SPIDR: variants seen among roughly 807,000 people sequenced by gnomAD.
SPIDR encodes the protein DNA repair-scaffolding protein.
Under a neutral mutation model 104.6 loss-of-function variants are expected in SPIDR, and 93 were observed. The ratio of observed to expected loss-of-function variants is 0.89; its 90% CI spans 0.75 to 1.06. The LOEUF is 1.06. SPIDR is among the 50% of genes least tolerant of loss of function. SPIDR has a pLI of 0.00. For missense variants in SPIDR, 1,154 were observed against 1,111.2 expected, an observed-to-expected ratio of 1.04 and a Z score of -0.55; for synonymous variants, 431 against 416.9, an observed-to-expected ratio of 1.03 and a Z score of -0.41.
At chr8:47,663,703 A>C (rs1191066599) in intron 10 of SPIDR, among the ~76,000 whole-genome samples, 1 of 152,264 alleles carries the variant, frequency 6.6e-6, no homozygotes, top group East Asian at 1.9e-4. Flanking sequence ...TTGTGTACAA[A>C]TTCAGAATGG....
At chr8:47,562,200 C>T (rs924650995) in intron 8 of SPIDR, among the ~76,000 whole-genome samples, 1 of 152,118 alleles carries the variant, frequency 6.6e-6, no homozygotes, top group African/African-American at 2.4e-5. Context: ...TGTAGATTTC[C>T]CCATTCCTTG....
At chr8:47,310,798 A>G (rs1218024542) in intron 5 of SPIDR, among the ~76,000 whole-genome samples, 1 of 152,218 alleles carries the variant, frequency 6.6e-6, no homozygotes, top group Non-Finnish European at 1.5e-5. Flanking sequence ...TTTGCACAAG[A>G]AAGAGTTCAG....
At chr8:47,443,761 A>G (rs1554699153) in intron 8 of SPIDR, among the ~76,000 whole-genome samples, 3 of 148,432 alleles carry the variant, frequency 2.0e-5, no homozygotes, top group East Asian at 2.0e-4. Context: ...TTTTTTTAAC[A>G]TGGGCACAGT....
Position 47,596,007 on chromosome 8 carries a change from G to A in SPIDR, c.1293+1G>A, listed in dbSNP as rs758101961. On this transcript the variant is annotated splice_donor_variant, in intron 9 of 19. Coordinates refer to ENST00000297423, the MANE Select transcript of SPIDR (RefSeq NM_001080394.4). LOFTEE classifies it high-confidence loss of function. ...AACAAATAATTCACCTGAAATCCAG[G>A]TAAACTCCTATTGGCCTAAAGGTTT... 2 of 1,609,124 alleles carry A rather than the reference G, an allele frequency of 1.2e-6. No homozygotes were observed. Among genetic ancestry groups the A allele is most frequent in the South Asian group, 1.1e-5 (1 of 90,148 alleles).
intron 7 of SPIDR, among the ~76,000 whole-genome samples, chr8:47,424,876 G>A (rs562684782): frequency 1.3e-5 from 2 of 152,040 alleles, no homozygotes; most frequent in African/African-American, 4.8e-5. Context: ...GATTACAGGC[G>A]CCTGCCACCA....
intron 14 of SPIDR, among the ~76,000 whole-genome samples, chr8:47,710,759 C>T (rs892555163): frequency 6.6e-6 from 1 of 151,914 alleles, no homozygotes; most frequent in South Asian, 2.1e-4. Context: ...TGAGCCACCA[C>T]GACTGGCCCA....
intron 5 of SPIDR, among the ~76,000 whole-genome samples, chr8:47,334,196 A>G (rs2049280010): frequency 6.6e-6 from 1 of 152,254 alleles, no homozygotes; most frequent in South Asian, 2.1e-4. Flanking sequence ...CTAGAATGTT[A>G]TCTGTTTTGA....
chr8:47,356,558 GA>G (rs1238173744), intron 5 of SPIDR, among the ~76,000 whole-genome samples: 1 of 152,196 alleles, frequency 6.6e-6, no homozygotes, highest in African/African-American at 2.4e-5. Context: ...TTGGTCATTT[GA>G]AAACCTATTA....
chr8:47,578,591 A>G (rs1261536763), intron 8 of SPIDR, among the ~76,000 whole-genome samples: 1 of 152,356 alleles, frequency 6.6e-6, no homozygotes, highest in East Asian at 1.9e-4. Flanking sequence ...AGGTGCTTCA[A>G]TGAAGCCAAA....
intron 10 of SPIDR, among the ~76,000 whole-genome samples, chr8:47,630,805 C>G (rs2066945299): frequency 6.6e-6 from 1 of 152,160 alleles, no homozygotes; most frequent in Non-Finnish European, 1.5e-5. Context: ...TTCCCATGCA[C>G]CTGTATGGCT....
chr8:47,608,415 A>G (rs775790996), intron 10 of SPIDR, among the ~76,000 whole-genome samples: 6 of 152,176 alleles, frequency 3.9e-5, no homozygotes, highest in Non-Finnish European at 8.8e-5. Flanking sequence ...TCTGCATACA[A>G]GTTTTTTGTG....
At chr8:47,429,246 G>C (rs2066930377) in intron 7 of SPIDR, among the ~76,000 whole-genome samples, 1 of 152,188 alleles carries the variant, frequency 6.6e-6, no homozygotes, top group South Asian at 2.1e-4. Context: ...CCTAGAAATA[G>C]AGGAAGGGGT....
chr8:47,428,326 A>C (rs142846424), intron 7 of SPIDR, among the ~76,000 whole-genome samples: 141 of 152,346 alleles, frequency 9.3e-4, no homozygotes, highest in African/African-American at 3.3e-3. Flanking sequence ...AATTTCTTTG[A>C]TGCGGTATTT....
intron 11 of SPIDR, among the ~76,000 whole-genome samples, chr8:47,689,759 C>G (rs2078359293): frequency 6.6e-6 from 1 of 152,154 alleles, no homozygotes; most frequent in Non-Finnish European, 1.5e-5. Context: ...CATGGGAGCT[C>G]TGATGAGGCA....
At chr8:47,632,926 C>T (rs1426936163) in intron 10 of SPIDR, among the ~76,000 whole-genome samples, 1 of 152,190 alleles carries the variant, frequency 6.6e-6, no homozygotes, top group Non-Finnish European at 1.5e-5. Flanking sequence ...CCAGGCTGAG[C>T]TGGAACTTGA....
At chr8:47,598,852 G>T in intron 9 of SPIDR, 94 bp from the exon 10 acceptor site, 1 of 1,505,160 alleles carries the variant, frequency 6.6e-7, no homozygotes, top group East Asian at 2.3e-5. Flanking sequence ...GCTGCTTAAG[G>T]ATGTCATTAT....
intron 5 of SPIDR, among the ~76,000 whole-genome samples, chr8:47,320,726 T>G (rs1288813953): frequency 2.6e-5 from 4 of 152,100 alleles, no homozygotes; most frequent in African/African-American, 7.2e-5. Flanking sequence ...AAATCCAGCA[T>G]CACATGGAAA....
intron 8 of SPIDR, among the ~76,000 whole-genome samples, chr8:47,493,016 GGAGA>G (rs35531714): frequency 1.3e-4 from 18 of 140,310 alleles, no homozygotes; most frequent in East Asian, 2.1e-4. Context: ...TTGAGCCATT[GGAGA>G]GAGAGAGAGA....
chr8:47,607,481 C>A (rs1455203336), intron 10 of SPIDR, among the ~76,000 whole-genome samples: 1 of 152,024 alleles, frequency 6.6e-6, no homozygotes, highest in Non-Finnish European at 1.5e-5. Context: ...TAATGAGGAA[C>A]ATGCACTAGT....
Sources: allele counts gnomAD v4.1 joint callset (sites outside exome capture counted in the v4.1 genomes callset), GRCh38; gene constraint gnomAD v4.1.1; transcripts MANE v1.5; gene names NCBI Gene and HGNC (gene_info 2026-07-23, HGNC 2026-07-21).